DPYD: variants seen among roughly 807,000 people sequenced by gnomAD.
The protein encoded by DPYD is dihydropyrimidine dehydrogenase [NADP(+)].
In DPYD, 109 loss-of-function variants were observed where a neutral mutation model predicts 116.2. The observed-to-expected ratio is 0.94, with a 90% CI of 0.80 to 1.10. The LOEUF (loss-of-function observed/expected upper bound fraction) is 1.10, where lower values mean the gene tolerates loss of function less well. Ranked by LOEUF, DPYD falls within the 50% of genes least tolerant of loss-of-function variation. The probability of loss-of-function intolerance (pLI) is 0.00; values close to 1 mark genes in which losing one functional copy is unlikely to be tolerated. For synonymous variants in DPYD, 440 were observed against 432.0 expected (o/e 1.02, Z -0.23); for missense variants, 1,302 against 1,254.5 (o/e 1.04, Z -0.57).
intron 3 of DPYD, among the ~76,000 whole-genome samples, chr1:97,795,653 T>C (rs913957839): frequency 6.6e-6 from 1 of 151,946 alleles, no homozygotes; most frequent in African/African-American, 2.4e-5. Context: ...GTACTCACCA[T>C]TGTAGCTTTT....
chr1:97,306,391 CAA>C (rs1322920241), intron 16 of DPYD, 94 bp from the exon 17 acceptor site: 3 of 1,527,350 alleles, frequency 2.0e-6, no homozygotes, highest in Admixed American at 1.7e-5. Flanking sequence ...ACGTGCAAGA[CAA>C]ATCCAACTTG....
intron 20 of DPYD, among the ~76,000 whole-genome samples, chr1:97,174,659 T>C (rs1570604848): frequency 1.3e-5 from 2 of 152,214 alleles, no homozygotes; most frequent in East Asian, 1.9e-4. Flanking sequence ...GCATAAAAAA[T>C]GTCTTTAGTA....
intron 18 of DPYD, among the ~76,000 whole-genome samples, chr1:97,272,678 A>C (rs954619810): frequency 1.3e-5 from 2 of 152,172 alleles, no homozygotes; most frequent in Admixed American, 1.3e-4. Flanking sequence ...GTTAATCTTT[A>C]AGTAGATTAA....
intron 3 of DPYD, among the ~76,000 whole-genome samples, chr1:97,774,337 T>TAACCAGGCTGGTTAAACACCCC (rs1553237429): frequency 6.6e-6 from 1 of 152,188 alleles, no homozygotes; most frequent in Non-Finnish European, 1.5e-5. Context: ...TTAACCACCC[T>TAACCAGGCTGGTTAAACACCCC]AACCAGGCTG....
At chr1:97,546,716 T>A in intron 12 of DPYD, 2 of 1,613,182 alleles carry the variant, frequency 1.2e-6, no homozygotes, top group South Asian at 2.2e-5. Flanking sequence ...ACAGAGGAAG[T>A]AGAGCTGAAG....
At chr1:97,223,184 A>T (rs746286665) in intron 19 of DPYD, among the ~76,000 whole-genome samples, 14 of 152,084 alleles carry the variant, frequency 9.2e-5, no homozygotes, top group Non-Finnish European at 1.2e-4. Context: ...TGATCACATT[A>T]AAAAATTCCA....
intron 4 of DPYD, among the ~76,000 whole-genome samples, chr1:97,731,119 T>C (rs1273716562): frequency 6.6e-6 from 1 of 152,132 alleles, no homozygotes; most frequent in Non-Finnish European, 1.5e-5. Context: ...AGACACATGA[T>C]TATTTATGCC....
At chr1:97,258,529 A>G (rs1397160701) in intron 18 of DPYD, among the ~76,000 whole-genome samples, 2 of 152,110 alleles carry the variant, frequency 1.3e-5, no homozygotes, top group Non-Finnish European at 2.9e-5. Context: ...TCTTTGTCTC[A>G]TATTTCCTCC....
intron 8 of DPYD, among the ~76,000 whole-genome samples, chr1:97,641,148 CA>C (rs1301599050): frequency 2.0e-5 from 3 of 152,098 alleles, no homozygotes; most frequent in Non-Finnish European, 4.4e-5. Flanking sequence ...ACCAAATGAT[CA>C]TTTCTTTATA....
intron 12 of DPYD, among the ~76,000 whole-genome samples, chr1:97,536,485 AGAG>A (rs1259038664): frequency 6.6e-6 from 1 of 152,220 alleles, no homozygotes; most frequent in African/African-American, 2.4e-5. Flanking sequence ...GGAAAGGTTT[AGAG>A]AAGAAGAAGT....
At chr1:97,308,989 A>C (rs1292421584) in intron 16 of DPYD, among the ~76,000 whole-genome samples, 1 of 151,870 alleles carries the variant, frequency 6.6e-6, no homozygotes, top group African/African-American at 2.4e-5. Context: ...GTGTCAATGA[A>C]TGAGAAATGA....
chr1:97,094,808 G>C (rs533042398), intron 21 of DPYD, among the ~76,000 whole-genome samples: 7 of 152,228 alleles, frequency 4.6e-5, no homozygotes, highest in African/African-American at 1.7e-4. Flanking sequence ...AGGAAGCAGA[G>C]AGGTGAATAC....
At chr1:97,171,530 A>G (rs1656724616) in intron 20 of DPYD, among the ~76,000 whole-genome samples, 1 of 152,238 alleles carries the variant, frequency 6.6e-6, no homozygotes, top group African/African-American at 2.4e-5. Flanking sequence ...GTGAGCACAC[A>G]GACCAGGACC....
intron 2 of DPYD, among the ~76,000 whole-genome samples, chr1:97,870,750 A>G (rs1671615253): frequency 6.6e-6 from 1 of 151,852 alleles, no homozygotes. Context: ...CACAGACGTC[A>G]GTTCAAAGGA....
intron 8 of DPYD, among the ~76,000 whole-genome samples, chr1:97,650,663 A>G (rs1658528935): frequency 6.6e-6 from 1 of 152,184 alleles, no homozygotes; most frequent in Non-Finnish European, 1.5e-5. Flanking sequence ...ACAAACAGAT[A>G]GAAACATCTC....
intron 18 of DPYD, among the ~76,000 whole-genome samples, chr1:97,301,570 G>A (rs926457691): frequency 6.6e-6 from 1 of 151,940 alleles, no homozygotes; most frequent in African/African-American, 2.4e-5. Context: ...ACAGGACAAT[G>A]AAATTCATTC....
intron 3 of DPYD, among the ~76,000 whole-genome samples, chr1:97,742,386 C>T (rs1008945391): frequency 1.3e-5 from 2 of 152,036 alleles, no homozygotes; most frequent in Admixed American, 1.3e-4. Flanking sequence ...GGTTTGTGCC[C>T]TTAGCCTTCT....
In DPYD at chr1:97,283,841, G is replaced by A. The variant is rs533659064; in HGVS notation, c.2299+21418C>T. ...TTGTTTGTGTGTCTACTGTACAGTGGAACACTGGGTCCAAGAGTATAAGCC... is the reference window on the plus strand; with the variant it reads ...TTGTTTGTGTGTCTACTGTACAGTGAAACACTGGGTCCAAGAGTATAAGCC... On this transcript the variant is annotated intron_variant, in intron 18 of 22. Coordinates refer to ENST00000370192, the MANE Select transcript of DPYD (RefSeq NM_000110.4). Among the ~76,000 whole-genome samples, 216 of 152,194 alleles carry A rather than the reference G, an allele frequency of 1.4e-3. 2 individuals are homozygous for A. The highest frequency in any genetic ancestry group is 0.01 in the South Asian group (50 of 4,824).
intron 8 of DPYD, among the ~76,000 whole-genome samples, chr1:97,666,026 T>C: frequency 6.6e-6 from 1 of 152,358 alleles, no homozygotes; most frequent in Non-Finnish European, 1.5e-5. Context: ...TTTTTGTATA[T>C]GTATATTTTC....
Sources: allele counts gnomAD v4.1 joint callset (sites outside exome capture counted in the v4.1 genomes callset), GRCh38; gene constraint gnomAD v4.1.1; transcripts MANE v1.5; gene names NCBI Gene and HGNC (gene_info 2026-07-23, HGNC 2026-07-21).